The following MCF2L2 variants were observed in gnomAD, a reference collection of about 807,000 sequenced individuals.
MCF2L2 encodes MCF.2 cell line derived transforming sequence-like 2.
Under a neutral mutation model 150.2 loss-of-function variants are expected in MCF2L2, and 102 were observed. The ratio of observed to expected loss-of-function variants is 0.68; its 90% CI spans 0.58 to 0.80. MCF2L2 has a LOEUF of 0.80. Ranked by LOEUF, MCF2L2 falls within the 30% of genes least tolerant of loss-of-function variation. MCF2L2 has a pLI of 0.00. For missense variants in MCF2L2, 1,256 were observed against 1,372.8 expected, an observed-to-expected ratio of 0.91 and a Z score of 1.34; for synonymous variants, 465 against 491.3, an observed-to-expected ratio of 0.95 and a Z score of 0.71.
chr3:183,359,273 C>T (rs1417286558), intron 3 of MCF2L2, among the ~76,000 whole-genome samples: 2 of 152,296 alleles, frequency 1.3e-5, no homozygotes, highest in East Asian at 3.9e-4. Context: ...GGCAAAAGCT[C>T]GTGTGCTCAC....
chr3:183,339,612 G>C (rs1358354648), intron 4 of MCF2L2, among the ~76,000 whole-genome samples: 1 of 152,156 alleles, frequency 6.6e-6, no homozygotes, highest in African/African-American at 2.4e-5. Flanking sequence ...TTGCTAAGTT[G>C]CTTTCAGAAA....
chr3:183,301,313 G>A (rs888460952), intron 10 of MCF2L2, among the ~76,000 whole-genome samples: 4 of 152,264 alleles, frequency 2.6e-5, no homozygotes, highest in African/African-American at 9.6e-5. Context: ...ACATTTTAAT[G>A]GGAGACAGAG....
intron 25 of MCF2L2, among the ~76,000 whole-genome samples, chr3:183,198,117 A>T (rs915981293): frequency 1.3e-5 from 2 of 152,238 alleles, no homozygotes; most frequent in African/African-American, 4.8e-5. Flanking sequence ...TGTCCACACA[A>T]AGACTTGTAC....
Position 183,423,692 on chromosome 3 carries a change from G to A in MCF2L2, c.76+4210C>T, listed in dbSNP as rs148227517. Among the ~76,000 whole-genome samples, 677 of 137,952 alleles carry A rather than the reference G, an allele frequency of 4.9e-3. 4 individuals carry two copies. The highest frequency in any genetic ancestry group is 0.017 in the African/African-American group (634 of 36,280). 90.5% of individuals were successfully genotyped at this position (137,952 alleles called of 152,430 possible). The stretch of plus-strand genomic sequence containing the variant: ...CTTGCTCTGTCACCCAGGCTGGAGT[G>A]CAATGGCGCAATCTCAGCTCACCGC... On this transcript the variant is annotated intron_variant, in intron 1 of 29. Coordinates refer to ENST00000328913, the MANE Select transcript of MCF2L2 (RefSeq NM_015078.4).
At chr3:183,290,357 G>C (rs564859366) in intron 13 of MCF2L2, among the ~76,000 whole-genome samples, 1 of 150,990 alleles carries the variant, frequency 6.6e-6, no homozygotes, top group South Asian at 2.1e-4. Context: ...AGGCCTCAAG[G>C]CTTCCTAACC....
chr3:183,294,527 A>G (rs1034136716), intron 13 of MCF2L2, among the ~76,000 whole-genome samples: 1 of 139,226 alleles, frequency 7.2e-6, no homozygotes, highest in African/African-American at 2.7e-5. Flanking sequence ...TAATTTATTT[A>G]TATATATATA....
chr3:183,372,981 G>A (rs1159714924), intron 3 of MCF2L2: 4 of 152,222 alleles, frequency 2.6e-5, no homozygotes, highest in African/African-American at 9.7e-5. Context: ...CTAGGAGACT[G>A]AGGGTGACCC....
chr3:183,339,777 A>G (rs1730628009), intron 4 of MCF2L2, among the ~76,000 whole-genome samples: 1 of 151,874 alleles, frequency 6.6e-6, no homozygotes, highest in Non-Finnish European at 1.5e-5. Context: ...TTTTTTCTAA[A>G]TCAGGTCTTT....
At position 183,283,527 on chromosome 3, in the gene MCF2L2, CTT is replaced by C. The variant is rs879544498; in HGVS notation, c.1776+5591_1776+5592del. ...CCCACCTTTCAGAGTTCTATTTATT[CTT>C]TTTTTTTTTTTAGATGGAGTCTCAC... On this transcript the variant is annotated intron_variant, in intron 14 of 29. Transcript: ENST00000328913. This position sits in a 1 kb window ranked among gnomAD's most constrained non-coding sequence, Gnocchi z 4.2. Among the ~76,000 whole-genome samples, 19 of 144,444 alleles carry C rather than the reference CTT, an allele frequency of 1.3e-4. No homozygotes were observed. The highest frequency in any genetic ancestry group is 1.4e-4 in the Admixed American group (2 of 14,334). 94.8% of individuals were successfully genotyped at this position (144,444 alleles called of 152,430 possible). A position where few individuals can be genotyped will look rare whatever the true frequency, so the allele number is the denominator to read the frequency against.
At chr3:183,362,726 AC>A (rs1560041118) in intron 3 of MCF2L2, among the ~76,000 whole-genome samples, 1 of 152,166 alleles carries the variant, frequency 6.6e-6, no homozygotes, top group Non-Finnish European at 1.5e-5. Flanking sequence ...TATATCTTGA[AC>A]TAGAAATCTT....
chr3:183,245,444 CT>C (rs1351369561), intron 15 of MCF2L2, among the ~76,000 whole-genome samples: 1 of 152,064 alleles, frequency 6.6e-6, no homozygotes, highest in Non-Finnish European at 1.5e-5. Flanking sequence ...TGGATGGGGG[CT>C]GGGAGGCTGG....
chr3:183,194,642 T>C (rs1289045148), intron 26 of MCF2L2, among the ~76,000 whole-genome samples: 1 of 152,096 alleles, frequency 6.6e-6, no homozygotes, highest in Non-Finnish European at 1.5e-5. Context: ...CAGATCTACC[T>C]CAACTGGCAA....
intron 25 of MCF2L2, 78 bp from the exon 26 acceptor site, chr3:183,195,333 T>C: frequency 5.5e-6 from 5 of 902,662 alleles, no homozygotes. Flanking sequence ...GATTTTTAAA[T>C]ACACATATAT....
Position 183,281,893 on chromosome 3 carries a change from C to CTTTTTT in MCF2L2, c.1777-4942_1777-4937dup, listed in dbSNP as rs397876715. Among the ~76,000 whole-genome samples the CTTTTTT allele has an allele frequency of 2.5e-5, 3 of 121,460 alleles. No individual in the cohort carries two copies. In the South Asian group the frequency reaches 8.1e-4, roughly 33 times the overall value. The allele number at this position is 121,460 out of a possible 152,430, so 79.7% of individuals were successfully genotyped here. A position where few individuals can be genotyped will look rare whatever the true frequency, so the allele number is the denominator to read the frequency against. On this transcript the variant is annotated intron_variant, in intron 14 of 29. Coordinates refer to ENST00000328913, the MANE Select transcript of MCF2L2 (RefSeq NM_015078.4). ...GCCTATTTCAAAATTTTCACAGGGT[C>CTTTTTT]TTTTTTTTTTTTTTTTTTTGAGACA...
intron 26 of MCF2L2, among the ~76,000 whole-genome samples, chr3:183,193,749 T>C (rs1437609078): frequency 6.6e-6 from 1 of 152,200 alleles, no homozygotes; most frequent in Admixed American, 6.5e-5. Flanking sequence ...TGCCAACTAT[T>C]ATAGTAACTC....
intron 1 of MCF2L2, among the ~76,000 whole-genome samples, chr3:183,422,263 T>G (rs1323433903): frequency 6.6e-6 from 1 of 152,180 alleles, no homozygotes; most frequent in East Asian, 1.9e-4. Flanking sequence ...AAATCTCCAT[T>G]GTATTCAAGA....
At chr3:183,294,722 A>G (rs1309963386) in intron 13 of MCF2L2, among the ~76,000 whole-genome samples, 2 of 140,986 alleles carry the variant, frequency 1.4e-5, no homozygotes, top group African/African-American at 2.7e-5. Flanking sequence ...TCTGCCTCCC[A>G]GGTTCACGCC....
At chr3:183,193,198 G>A in intron 26 of MCF2L2, 102 bp from the exon 27 acceptor site, 1 of 950,506 alleles carries the variant, frequency 1.1e-6, no homozygotes, top group Non-Finnish European at 1.7e-6. Flanking sequence ...TGTATCTCTG[G>A]TCTAGGTCTC....
chr3:183,416,042 T>C (rs929190406), intron 1 of MCF2L2, among the ~76,000 whole-genome samples: 1 of 152,132 alleles, frequency 6.6e-6, no homozygotes, highest in Non-Finnish European at 1.5e-5. Flanking sequence ...ATTTTATTAG[T>C]GGTTATTCTA....
Sources: allele counts gnomAD v4.1 joint callset (sites outside exome capture counted in the v4.1 genomes callset), GRCh38; gene constraint gnomAD v4.1.1; non-coding constraint Gnocchi (gnomAD v3.1); transcripts MANE v1.5; gene names NCBI Gene and HGNC (gene_info 2026-07-23, HGNC 2026-07-21).